The following CHRNB4 variants were observed in gnomAD, a reference collection of about 807,000 sequenced individuals.
CHRNB4 encodes the protein neuronal acetylcholine receptor subunit beta-4.
CHRNB4 carries 23 observed loss-of-function variants against 40.4 expected under a neutral mutation model. The ratio of observed to expected loss-of-function variants is 0.57; its 90% CI spans 0.41 to 0.81. CHRNB4 has a LOEUF of 0.81. Ranked by LOEUF, CHRNB4 falls within the 30% of genes least tolerant of loss-of-function variation. The pLI, the probability that CHRNB4 is intolerant of heterozygous loss-of-function variation, is 0.00. For synonymous variants in CHRNB4, 285 were observed against 274.4 expected (o/e 1.04, Z -0.38); for missense variants, 568 against 670.6 (o/e 0.85, Z 1.69).
At chr15:78,631,208 G>A in intron 3 of CHRNB4, 23 bp from the exon 4 acceptor site, 1 of 1,613,362 alleles carries the variant, frequency 6.2e-7, no homozygotes, top group African/African-American at 1.3e-5. Flanking sequence ...GCAAGGCCCT[G>A]TCACTTGCAG....
chr15:78,651,853 C>T (rs2054174974), intron 6 of CHRNB4, among the ~76,000 whole-genome samples: 6 of 152,182 alleles, frequency 3.9e-5, no homozygotes, highest in Admixed American at 3.3e-4. Flanking sequence ...AGCCCCTTAG[C>T]AGAACTTTTC....
At chr15:78,645,150 T>A (rs964366730), upstream of CHRNB4, among the ~76,000 whole-genome samples, 8 of 152,188 alleles carry the variant, frequency 5.3e-5, no homozygotes, top group Admixed American at 5.2e-4. Context: ...ATTGTCCGTC[T>A]ACCCTAGTCA....
rs559824247 is a variant in CHRNB4, at chr15:78,624,623, A to G, written c.*510T>C. The G allele has an allele frequency of 6.7e-4, 146 of 219,104 alleles. No homozygotes were observed. The highest frequency in any genetic ancestry group is 3.3e-3 in the African/African-American group (144 of 44,116). 13.6% of individuals were successfully genotyped at this position (219,104 alleles called of 1,614,324 possible). On this transcript the variant is annotated 3_prime_UTR_variant, in exon 6 of 6. Coordinates refer to ENST00000261751, the MANE Select transcript of CHRNB4 (RefSeq NM_000750.5). The stretch of plus-strand genomic sequence containing the variant: ...CTGGGCACGGTGGCGGCTTTCTGTA[A>G]TCCCAGCTACTTGGGAGGTTGAGGC...
chr15:78,638,485 C>T (rs1373361487), intron 1 of CHRNB4, among the ~76,000 whole-genome samples: 2 of 152,238 alleles, frequency 1.3e-5, no homozygotes, highest in Non-Finnish European at 2.9e-5. Context: ...AGAGGTCTTC[C>T]CTGACCCCTG....
chr15:78,644,617 C>A (rs1009000036), upstream of CHRNB4, among the ~76,000 whole-genome samples: 3 of 152,114 alleles, frequency 2.0e-5, no homozygotes, highest in Non-Finnish European at 4.4e-5. Context: ...TATAGCACTA[C>A]AAAAGGCCTA....
chr15:78,650,095 G>A (rs1285065393), intron 6 of CHRNB4, among the ~76,000 whole-genome samples: 2 of 152,176 alleles, frequency 1.3e-5, no homozygotes, highest in African/African-American at 2.4e-5. Context: ...CTGTGCACCC[G>A]GTCCCTTGTC....
intron 1 of CHRNB4, among the ~76,000 whole-genome samples, chr15:78,636,536 A>G (rs11636605): frequency 0.63 from 94,770 of 151,594 alleles, 32,584 homozygotes; most frequent in Non-Finnish European, 0.81. Flanking sequence ...AGATACTCAG[A>G]TACTCTCTCT....
intron 5 of CHRNB4, among the ~76,000 whole-genome samples, chr15:78,654,795 A>C (rs2054199110): frequency 6.6e-6 from 1 of 152,238 alleles, no homozygotes; most frequent in Non-Finnish European, 1.5e-5. Flanking sequence ...CAAACTGAAC[A>C]CACCTGTGTA....
Position 78,639,375 on chromosome 15 carries a change from T to C in CHRNB4, c.55+1704A>G, listed in dbSNP as rs560963468. ...CAGTGGCATGATCTCAGCTCACTGC[T>C]GCAACCTCCACCTCCCGGGTTCATG... On this transcript the variant is annotated intron_variant, in intron 1 of 5. Coordinates refer to ENST00000261751, the MANE Select transcript of CHRNB4 (RefSeq NM_000750.5). Among the ~76,000 whole-genome samples, 10 of 152,318 alleles carry C rather than the reference T, an allele frequency of 6.6e-5. No individual in the cohort carries two copies. The South Asian group carries it at 1.9e-3, about 28-fold the overall frequency.
chr15:78,636,450 G>A (rs765266909), intron 1 of CHRNB4, among the ~76,000 whole-genome samples: 8 of 152,010 alleles, frequency 5.3e-5, no homozygotes, highest in Non-Finnish European at 1.0e-4. Flanking sequence ...TTGGCTTGGC[G>A]TTCAAGGCCC....
chr15:78,660,946 T>A (rs1275845685), upstream of CHRNB4: 3 of 405,738 alleles, frequency 7.4e-6, no homozygotes, highest in African/African-American at 6.2e-5. Flanking sequence ...ACGCAGTTTC[T>A]GACTCAGCAG....
chr15:78,625,317 A>G lies in CHRNB4; in HGVS notation c.1339-26T>C, dbSNP rs763141729. On this transcript the variant is annotated intron_variant, in intron 5 of 5. Transcript: ENST00000261751. ...CTGCAGGCAGACAGAGGAGTTGGTC[A>G]CAGGTGCCAAGTACTGGGGTCCCTC... 1.2e-5 allele frequency: 18 copies of G among 1,523,106 alleles called. No individual in the cohort carries two copies. In the East Asian group the frequency reaches 4.1e-4, roughly 34 times the overall value. The allele number at this position is 1,523,106 out of a possible 1,614,324, so 94.3% of individuals were successfully genotyped here.
Position 78,637,344 on chromosome 15 carries a change from AG to A in CHRNB4, c.56-1758del, listed in dbSNP as rs201672459. Among the ~76,000 whole-genome samples the A allele has an allele frequency of 9.2e-5, 14 of 152,248 alleles. No individual in the cohort carries two copies. The East Asian group carries it at 2.7e-3, about 29-fold the overall frequency. ...TTCAGGGAGAATGTGTAAAGCATAG[AG>A]GGGGCAGCTTGGAAAAAGGGAGACT... On this transcript the variant is annotated intron_variant, in intron 1 of 5. Transcript: ENST00000261751.
intron 1 of CHRNB4, among the ~76,000 whole-genome samples, chr15:78,638,017 T>G (rs1484606029): frequency 1.3e-5 from 2 of 152,208 alleles, no homozygotes; most frequent in Admixed American, 6.5e-5. Flanking sequence ...TGGACTGACT[T>G]ATTTCATAGA....
chr15:78,658,028 C>CTTT (rs71448810), intron 2 of CHRNB4, among the ~76,000 whole-genome samples: 1,985 of 90,380 alleles, frequency 0.022, 69 homozygotes, highest in Middle Eastern at 0.069. Context: ...TCTTGTTTCT[C>CTTT]TTTTTTTTTT....
chr15:78,643,388 T>A (rs1156464300), upstream of CHRNB4, among the ~76,000 whole-genome samples: 2 of 151,792 alleles, frequency 1.3e-5, no homozygotes, highest in African/African-American at 4.9e-5. Context: ...GTGCTGGGAT[T>A]ACAGGCATGC....
exon 6 of CHRNB4, chr15:78,652,630 CCTCCACGGCACTTCCGGCCTGGTGA>C (rs1186797149): frequency 1.3e-5 from 2 of 152,236 alleles, no homozygotes; most frequent in Non-Finnish European, 2.9e-5. Context: ...GAGTGAGTTT[CCTCCACGGCACTTCCGGCCTGGTGA>C]CTCCACGACT....
chr15:78,649,991 ATATTT>A (rs2054158156), intron 6 of CHRNB4, among the ~76,000 whole-genome samples: 1 of 149,740 alleles, frequency 6.7e-6, no homozygotes, highest in Non-Finnish European at 1.5e-5. Context: ...TATGTTTGAA[ATATTT>A]TATCAATTTT....
chr15:78,640,077 T>C (rs904019557), intron 1 of CHRNB4, among the ~76,000 whole-genome samples: 1 of 152,212 alleles, frequency 6.6e-6, no homozygotes, highest in Admixed American at 6.5e-5. Flanking sequence ...AGATTGGATA[T>C]GCTTTCCCAA....
Sources: gnomAD v4.1 joint callset for allele counts (sites outside exome capture counted in the v4.1 genomes callset) on GRCh38, gnomAD v4.1.1 for gene constraint, MANE v1.5 for transcripts, NCBI Gene and HGNC (gene_info 2026-07-23, HGNC 2026-07-21) for gene names.